Variants in SHISA2 observed in about 807,000 individuals in gnomAD.
The protein encoded by SHISA2 is shisa family member 2, also known as protein shisa-2 homolog.
SHISA2 carries 16 observed loss-of-function variants against 23.8 expected under a neutral mutation model. The ratio of observed to expected loss-of-function variants is 0.67; its 90% CI spans 0.46 to 1.02. The LOEUF is 1.02. Ranked by LOEUF, SHISA2 falls within the 50% of genes least tolerant of loss-of-function variation. The pLI is 0.00. For missense variants in SHISA2, 459 were observed against 420.1 expected, an observed-to-expected ratio of 1.09 and a Z score of -0.81; for synonymous variants, 201 against 178.6, an observed-to-expected ratio of 1.13 and a Z score of -1.00.
rs1216358555 is a variant in SHISA2, at chr13:26,044,642, G to T, written c.*1871C>A. On this transcript the variant is annotated 3_prime_UTR_variant, in exon 2 of 2. Coordinates refer to ENST00000319420, the MANE Select transcript of SHISA2 (RefSeq NM_001007538.2). ...TTAATAAGTAAAATGATTTTCCCCT[G>T]CCTTTGGTTATTAAAAAATGAGTAT... 1 of 152,072 alleles carries T rather than the reference G, an allele frequency of 6.6e-6. No homozygotes were observed. The highest frequency in any genetic ancestry group is 6.5e-5 in the Admixed American group (1 of 15,272). 9.4% of individuals were successfully genotyped at this position (152,072 alleles called of 1,614,324 possible).
In SHISA2 at chr13:26,046,879, C is replaced by T. The variant is rs1316204339; in HGVS notation, c.522G>A (p.Arg174=). 1 of 1,613,656 alleles carries T rather than the reference C, an allele frequency of 6.2e-7. No individual in the cohort carries two copies. ...TGCTGGACTGGCGTGAGGACGACCC[C>T]CGGGAGGTGCTGGCACTGGGGATCA... ...IPMIPSASTS[R]GSSSRQSSTA... is the part of the protein sequence containing the mutation. Residue 174 remains arginine (R), a synonymous_variant, in exon 2 of 2, where the codon CGG becomes CGA. Transcript: ENST00000319420.
chr13:26,049,118 A>G (rs142133745), intron 1 of SHISA2, among the ~76,000 whole-genome samples: 34 of 152,352 alleles, frequency 2.2e-4, no homozygotes, highest in African/African-American at 7.0e-4. Context: ...TACCCCAATC[A>G]TAGCAGAAAC....
At position 26,046,667 on chromosome 13, in the gene SHISA2, GGATGCA is replaced by G. The variant is rs1957270027; in HGVS notation, c.728_733del (p.Leu243_His244del). 1 of 1,614,254 alleles carries G rather than the reference GGATGCA, an allele frequency of 6.2e-7. No homozygotes were observed. The highest frequency in any genetic ancestry group is 8.5e-7 in the Non-Finnish European group (1 of 1,180,046). On this transcript the variant is annotated inframe_deletion, in exon 2 of 2. Transcript: ENST00000319420. ...CTGCACCGTGTACCCCACGTATGGG[GGATGCA>G]GATACTGCCCTTGATGTGGCACAAT...
rs1262571096 is a variant in SHISA2, at chr13:26,050,783, T to C, written c.193A>G (p.Ile65Val). 42 of 1,524,714 alleles carry C rather than the reference T, an allele frequency of 2.8e-5. No individual in the cohort carries two copies. Among genetic ancestry groups the C allele is most frequent in the Non-Finnish European group, 3.6e-5 (41 of 1,146,308 alleles). The allele number at this position is 1,524,714 out of a possible 1,614,324, so 94.4% of individuals were successfully genotyped here. A position where few individuals can be genotyped will look rare whatever the true frequency, so the allele number is the denominator to read the frequency against. ...PERFDGGDATICCGSCALRYC... is the reference protein window; with the variant it reads ...PERFDGGDATVCCGSCALRYC... ...CGCAACGCGCAGCTGCCGCAGCAGATGGTGGCGTCGCCGCCGTCGAAGCGC... is the reference window on the plus strand; with the variant it reads ...CGCAACGCGCAGCTGCCGCAGCAGACGGTGGCGTCGCCGCCGTCGAAGCGC... The change falls in exon 1 of 2, where the codon ATC becomes GTC. Residue 65 changes from isoleucine to valine, a missense_variant. Coordinates refer to ENST00000319420, the MANE Select transcript of SHISA2 (RefSeq NM_001007538.2).
rs1957268767 is a variant in SHISA2, at chr13:26,046,550, T to C, written c.851A>G (p.Asn284Ser). The stretch of plus-strand genomic sequence containing the variant: ...CGCTGGGTACATCTTCTGTTCACTG[T>C]TGGTGTGAGGGAAGGGGGACTGAAT... ...RQIQSPFPHT[N>S]SEQKMYPAVT... is the part of the protein sequence containing the mutation. Residue 284 changes from asparagine to serine, a missense_variant, in exon 2 of 2, where the codon AAC (asparagine) becomes AGC (serine). By Grantham distance (46) the Asn-to-Ser change is conservative. Transcript: ENST00000319420. 1.2e-6 allele frequency: 2 copies of C among 1,613,034 alleles called. No individual in the cohort carries two copies. Among genetic ancestry groups the C allele is most frequent in the African/African-American group, 1.3e-5 (1 of 74,862 alleles).
chr13:26,050,094 T>A (rs1051008743), intron 1 of SHISA2, among the ~76,000 whole-genome samples: 1 of 151,710 alleles, frequency 6.6e-6, no homozygotes, highest in African/African-American at 2.4e-5. Context: ...TCTGACGTGG[T>A]AAGGAAAACA....
chr13:26,051,118 C>T lies in SHISA2; in HGVS notation c.-143G>A. Reference sequence around the variant, plus strand: ...GGGCCACTCCCCTCTGCCGCGACGCCCAGGAGGCGACGACGCCGGGCCCTA... The same window carrying T: ...GGGCCACTCCCCTCTGCCGCGACGCTCAGGAGGCGACGACGCCGGGCCCTA... On this transcript the variant is annotated 5_prime_UTR_variant, in exon 1 of 2. Transcript: ENST00000319420. The T allele has an allele frequency of 2.7e-6, 2 of 733,724 alleles. No individual in the cohort carries two copies. The highest frequency in any genetic ancestry group is 4.1e-6 in the Non-Finnish European group (2 of 488,244). 45.5% of individuals were successfully genotyped at this position (733,724 alleles called of 1,614,324 possible). A position where few individuals can be genotyped will look rare whatever the true frequency, so the allele number is the denominator to read the frequency against.
In SHISA2 at chr13:26,051,389, C is replaced by A. The variant is rs1957303135; in HGVS notation, c.-414G>T. Among the ~76,000 whole-genome samples the A allele has an allele frequency of 6.6e-6, 1 of 152,154 alleles. No individual in the cohort carries two copies. The highest frequency in any genetic ancestry group is 2.4e-5 in the African/African-American group (1 of 41,448). Reference sequence around the variant, plus strand: ...CCGCGGACCTGGAGCCAGGGCTCTGCGCAGGGTTTAAGCCTCAGGGTCCCG... The same window carrying A: ...CCGCGGACCTGGAGCCAGGGCTCTGAGCAGGGTTTAAGCCTCAGGGTCCCG... On this transcript the variant is annotated 5_prime_UTR_variant, in exon 1 of 2. Transcript: ENST00000319420.
chr13:26,046,248 C>T lies in SHISA2; in HGVS notation c.*265G>A, dbSNP rs1041995821. The T allele has an allele frequency of 2.9e-5, 11 of 379,452 alleles. No homozygotes were observed. The highest frequency in any genetic ancestry group is 8.1e-5 in the South Asian group (1 of 12,344). The allele number at this position is 379,452 out of a possible 1,614,324, so 23.5% of individuals were successfully genotyped here. ...CGTCAACCATATCTCAAGGGCACTT[C>T]GGACTCAAGCATTTGTTATACACCC... On this transcript the variant is annotated 3_prime_UTR_variant, in exon 2 of 2. Coordinates refer to ENST00000319420, the MANE Select transcript of SHISA2 (RefSeq NM_001007538.2).
At chr13:26,050,585 T>C (rs1004875875) in intron 1 of SHISA2, 57 bp downstream of exon 1, 6 of 1,365,338 alleles carry the variant, frequency 4.4e-6, no homozygotes, top group Admixed American at 3.9e-5. Context: ...CCCAGGTCCC[T>C]GACGTCCAGG....
In SHISA2 at chr13:26,045,630, CA is replaced by C. The variant is rs1957260947; in HGVS notation, c.*882del. The C allele has an allele frequency of 6.6e-6, 1 of 152,012 alleles. No individual in the cohort carries two copies. Among genetic ancestry groups the C allele is most frequent in the Non-Finnish European group, 1.5e-5 (1 of 68,000 alleles). The allele number at this position is 152,012 out of a possible 1,614,324, so 9.4% of individuals were successfully genotyped here. On this transcript the variant is annotated 3_prime_UTR_variant, in exon 2 of 2. Coordinates refer to ENST00000319420, the MANE Select transcript of SHISA2 (RefSeq NM_001007538.2). Reference sequence around the variant, plus strand: ...AGCACAAAATAGGCCCCCAAAAGCACAAAAATAGACAAAATATATATATCTT... The same window carrying C: ...AGCACAAAATAGGCCCCCAAAAGCACAAAATAGACAAAATATATATATCTT...
chr13:26,049,333 T>A (rs1957285310), intron 1 of SHISA2, among the ~76,000 whole-genome samples: 1 of 152,024 alleles, frequency 6.6e-6, no homozygotes, highest in Non-Finnish European at 1.5e-5. Flanking sequence ...GAAAAAAACG[T>A]TTAAAAGTAG....
Position 26,050,859 on chromosome 13 carries a change from G to C in SHISA2, c.117C>G (p.His39Gln), listed in dbSNP as rs1389515560. ...AGARASGEYC[H>Q]GWLDAQGVWR... ...AGACGCCCTGCGCGTCCAGCCAGCC[G>C]TGGCAGTACTCGCCGCTGGCCCTCG... The change falls in exon 1 of 2, where the codon CAC (histidine) becomes CAG (glutamine). Residue 39 changes from histidine (H) to glutamine (Q), a missense_variant. Coordinates refer to ENST00000319420, the MANE Select transcript of SHISA2 (RefSeq NM_001007538.2). The C allele has an allele frequency of 6.5e-7, 1 of 1,528,402 alleles. No individual in the cohort carries two copies. Among genetic ancestry groups the C allele is most frequent in the Non-Finnish European group, 8.7e-7 (1 of 1,146,280 alleles). 94.7% of individuals were successfully genotyped at this position (1,528,402 alleles called of 1,614,324 possible). A position where few individuals can be genotyped will look rare whatever the true frequency, so the allele number is the denominator to read the frequency against.
chr13:26,046,844 C>A lies in SHISA2; in HGVS notation c.557G>T (p.Ser186Ile), dbSNP rs1171034483. 2 of 1,613,952 alleles carry A rather than the reference C, an allele frequency of 1.2e-6. No homozygotes were observed. Among genetic ancestry groups the A allele is most frequent in the Admixed American group, 1.7e-5 (1 of 60,002 alleles). ...CCCTGAGTTGGCGCTGGAGCTGGAA[C>A]TGGCAGCTGTGCTGGACTGGCGTGA... ...SSSRQSSTAASSSSSANSGAR... is the reference protein window; with the variant it reads ...SSSRQSSTAAISSSSANSGAR... The change falls in exon 2 of 2, where the codon AGT becomes ATT. Residue 186 changes from serine (S) to isoleucine (I), a missense_variant. Physicochemically the swap from Ser to Ile is moderately radical, Grantham distance 142. Coordinates refer to ENST00000319420, the MANE Select transcript of SHISA2 (RefSeq NM_001007538.2).
chr13:26,050,773 C>T lies in SHISA2; in HGVS notation c.203G>A (p.Gly68Asp). Residue 68 changes from glycine to aspartate, a missense_variant, in exon 1 of 2, where the codon GGC (glycine) becomes GAC (aspartate). Coordinates refer to ENST00000319420, the MANE Select transcript of SHISA2 (RefSeq NM_001007538.2). ...GCAGCAGTAGCGCAACGCGCAGCTG[C>T]CGCAGCAGATGGTGGCGTCGCCGCC... is the stretch of plus-strand genomic sequence containing the variant. ...FDGGDATICC[G>D]SCALRYCCSS... is the part of the protein sequence containing the mutation. The T allele has an allele frequency of 6.6e-7, 1 of 1,521,050 alleles. No homozygotes were observed. Among genetic ancestry groups the T allele is most frequent in the Non-Finnish European group, 8.7e-7 (1 of 1,144,240 alleles). 94.2% of individuals were successfully genotyped at this position (1,521,050 alleles called of 1,614,324 possible). A position where few individuals can be genotyped will look rare whatever the true frequency, so the allele number is the denominator to read the frequency against.
At position 26,051,219 on chromosome 13, in the gene SHISA2, C is replaced by T. The variant is rs1420775804; in HGVS notation, c.-244G>A. 6.6e-6 allele frequency among the ~76,000 whole-genome samples: 1 copy of T among 152,218 alleles called. No individual in the cohort carries two copies. The highest frequency in any genetic ancestry group is 1.5e-5 in the Non-Finnish European group (1 of 68,044). ...CTTAGGGACTGCCTTATGAGTTGCA[C>T]TCGCTGATGGAAATCTCGGGATGCA... On this transcript the variant is annotated 5_prime_UTR_variant, in exon 1 of 2. It adds an upstream start codon to the 5' untranslated region. Transcript: ENST00000319420.
chr13:26,045,066 AG>A lies in SHISA2; in HGVS notation c.*1446del, dbSNP rs1231882553. The A allele has an allele frequency of 6.6e-6, 1 of 152,230 alleles. No individual in the cohort carries two copies. Among genetic ancestry groups the A allele is most frequent in the Admixed American group, 6.5e-5 (1 of 15,280 alleles). 9.4% of individuals were successfully genotyped at this position (152,230 alleles called of 1,614,324 possible). A position where few individuals can be genotyped will look rare whatever the true frequency, so the allele number is the denominator to read the frequency against. On this transcript the variant is annotated 3_prime_UTR_variant, in exon 2 of 2. Transcript: ENST00000319420. ...CCATTTTGATAACAAGAGTATAAAA[AG>A]CCTTATGATCTGCAAAGTAAATCGT...
Position 26,046,750 on chromosome 13 carries a change from A to G in SHISA2, c.651T>C (p.Tyr217=). Residue 217 remains tyrosine, a synonymous_variant, in exon 2 of 2, where the codon TAT becomes TAC. Coordinates refer to ENST00000319420, the MANE Select transcript of SHISA2 (RefSeq NM_001007538.2). ...CLPEGTMNNV[Y]VNMPTNFSVL... ...CAGAGAAATTCGTGGGCATGTTGACATACACGTTGTTCATGGTCCCTTCCG... is the reference window on the plus strand; with the variant it reads ...CAGAGAAATTCGTGGGCATGTTGACGTACACGTTGTTCATGGTCCCTTCCG... 1 of 1,614,202 alleles carries G rather than the reference A, an allele frequency of 6.2e-7. No individual in the cohort carries two copies. The highest frequency in any genetic ancestry group is 8.5e-7 in the Non-Finnish European group (1 of 1,180,040).
chr13:26,050,707 T>G lies in SHISA2; in HGVS notation c.269A>C (p.Asn90Thr). ...CTCGCCAGCGCCCTGCTGGCGGTCA[T>G]TGTCGCAGCCGCCCTGGTCCAGGCG... Reference protein sequence around the residue: ...EARLDQGGCDNDRQQGAGEPG... With the variant: ...EARLDQGGCDTDRQQGAGEPG... Residue 90 changes from asparagine (N) to threonine (T), a missense_variant, in exon 1 of 2, where the codon AAT (asparagine) becomes ACT (threonine). Asn to Thr is a moderately conservative substitution (Grantham distance 65). Transcript: ENST00000319420. 6.8e-7 allele frequency: 1 copy of G among 1,479,110 alleles called. No individual in the cohort carries two copies. The highest frequency in any genetic ancestry group is 8.9e-7 in the Non-Finnish European group (1 of 1,122,246). 91.6% of individuals were successfully genotyped at this position (1,479,110 alleles called of 1,614,324 possible).
Sources: allele counts gnomAD v4.1 joint callset (sites outside exome capture counted in the v4.1 genomes callset), GRCh38; gene constraint gnomAD v4.1.1; transcripts MANE v1.5; gene names NCBI Gene and HGNC (gene_info 2026-07-23, HGNC 2026-07-21).